Variants in MSH3 observed in about 807,000 individuals in gnomAD.
MSH3 encodes mutS homolog 3.
In MSH3, 106 loss-of-function variants were observed where a neutral mutation model predicts 123.3. That is an observed-to-expected ratio of 0.86 (90% CI 0.73 to 1.01). The LOEUF (loss-of-function observed/expected upper bound fraction) is 1.01, where lower values mean the gene tolerates loss of function less well. MSH3 is among the 50% of genes least tolerant of loss of function. MSH3 has a pLI of 0.00. For missense variants in MSH3, 1,459 were observed against 1,347.6 expected (o/e 1.08, Z -1.29); for synonymous variants, 515 against 481.4 (o/e 1.07, Z -0.91).
intron 19 of MSH3, among the ~76,000 whole-genome samples, chr5:80,809,290 C>T (rs1011452227): frequency 1.3e-5 from 2 of 152,080 alleles, no homozygotes; most frequent in Non-Finnish European, 2.9e-5. Flanking sequence ...AGTCTTCTAA[C>T]TCTAAATGGT....
intron 20 of MSH3, among the ~76,000 whole-genome samples, chr5:80,845,734 C>T (rs10053112): frequency 0.14 from 20,616 of 152,024 alleles, 1,746 homozygotes; most frequent in African/African-American, 0.24. Flanking sequence ...GTTCTCATGC[C>T]GTGGTTTTCA....
intron 8 of MSH3, among the ~76,000 whole-genome samples, chr5:80,686,405 C>T (rs1045383972): frequency 7.9e-5 from 12 of 151,034 alleles, no homozygotes; most frequent in South Asian, 4.3e-4. Flanking sequence ...CGGGTTTAAG[C>T]GATTCTCGTG....
intron 12 of MSH3, among the ~76,000 whole-genome samples, chr5:80,757,242 T>C (rs538353802): frequency 1.1e-4 from 17 of 152,318 alleles, no homozygotes; most frequent in Admixed American, 9.2e-4. Context: ...ATATTCCCAT[T>C]ATACTCTTCT....
In MSH3 at chr5:80,824,343, C is replaced by T. The variant is rs1464818182; in HGVS notation, c.2813+10602C>T. On this transcript the variant is annotated intron_variant, in intron 20 of 23. Transcript: ENST00000265081. ...AGGCGCCCCCCACCTCCCTCCCGGACGGGGCGGCTGGCCGGGTGGGGGCTG... is the reference window on the plus strand; with the variant it reads ...AGGCGCCCCCCACCTCCCTCCCGGATGGGGCGGCTGGCCGGGTGGGGGCTG... Among the ~76,000 whole-genome samples, 11 of 150,392 alleles carry T rather than the reference C, an allele frequency of 7.3e-5. 1 individual carries two copies. Among genetic ancestry groups the T allele is most frequent in the African/African-American group, 1.5e-4 (6 of 41,166 alleles).
intron 8 of MSH3, among the ~76,000 whole-genome samples, chr5:80,692,645 TATATAG>T (rs1186666033): frequency 1.8e-5 from 2 of 108,816 alleles, no homozygotes; most frequent in African/African-American, 7.0e-5. Flanking sequence ...TATATATGTT[TATATAG>T]ATATATATAT....
chr5:80,739,978 T>C (rs192838653), intron 10 of MSH3, among the ~76,000 whole-genome samples: 8 of 152,248 alleles, frequency 5.3e-5, no homozygotes, highest in African/African-American at 1.9e-4. Context: ...GTTAGGTTTA[T>C]AGCACAAACA....
intron 13 of MSH3, among the ~76,000 whole-genome samples, chr5:80,763,545 A>G (rs1469210749): frequency 6.6e-6 from 1 of 152,208 alleles, no homozygotes; most frequent in Non-Finnish European, 1.5e-5. Flanking sequence ...GAGCCTGAAA[A>G]TTGATGCATA....
intron 8 of MSH3, among the ~76,000 whole-genome samples, chr5:80,725,078 A>G (rs1743255267): frequency 6.6e-6 from 1 of 151,856 alleles, no homozygotes; most frequent in Admixed American, 6.6e-5. Context: ...GCTGGGCGTG[A>G]TGGCGGGCAC....
intron 15 of MSH3, among the ~76,000 whole-genome samples, chr5:80,769,492 G>A (rs1253553606): frequency 1.3e-5 from 2 of 151,942 alleles, no homozygotes; most frequent in Non-Finnish European, 2.9e-5. Flanking sequence ...TAAAATTATG[G>A]TACTGTTTAG....
intron 10 of MSH3, among the ~76,000 whole-genome samples, chr5:80,734,133 G>A (rs1374938488): frequency 6.6e-6 from 1 of 152,158 alleles, no homozygotes; most frequent in Non-Finnish European, 1.5e-5. Flanking sequence ...AAGGAATGAA[G>A]TACAGATACA....
chr5:80,760,203 GTTTA>G (rs1203857159), intron 12 of MSH3, among the ~76,000 whole-genome samples: 1 of 152,120 alleles, frequency 6.6e-6, no homozygotes, highest in African/African-American at 2.4e-5. Context: ...TCATCCACTT[GTTTA>G]TTTATTCATT....
chr5:80,784,185 C>T (rs1210596832), intron 17 of MSH3, among the ~76,000 whole-genome samples: 6 of 121,210 alleles, frequency 5.0e-5, no homozygotes, highest in African/African-American at 1.3e-4. Flanking sequence ...ACTCCAGCCT[C>T]GGCGAAAGAG....
intron 19 of MSH3, among the ~76,000 whole-genome samples, chr5:80,808,331 T>C (rs1354683287): frequency 3.3e-5 from 5 of 152,212 alleles, no homozygotes; most frequent in Admixed American, 2.6e-4. Context: ...CTTTTTATTG[T>C]TATGTTTTTC....
At chr5:80,856,453 A>C (rs1369747790) in intron 21 of MSH3, among the ~76,000 whole-genome samples, 1 of 150,822 alleles carries the variant, frequency 6.6e-6, no homozygotes, top group Non-Finnish European at 1.5e-5. Flanking sequence ...TCGCAAGGAC[A>C]AAAAACCAAA....
rs753129920 is a variant in MSH3, at chr5:80,778,743, A to T, written c.2342A>T (p.His781Leu). 4 of 1,611,590 alleles carry T rather than the reference A, an allele frequency of 2.5e-6. No homozygotes were observed. Among genetic ancestry groups the T allele is most frequent in the Non-Finnish European group, 3.4e-6 (4 of 1,177,706 alleles). The change falls in exon 17 of 24, where the codon CAC (histidine) becomes CTC (leucine). Residue 781 changes from histidine (H) to leucine (L), a missense_variant. His to Leu is a moderately conservative substitution (Grantham distance 99). Coordinates refer to ENST00000265081, the MANE Select transcript of MSH3 (RefSeq NM_002439.5). The stretch of plus-strand genomic sequence containing the variant: ...AGCACAAAAGCTGTGAGCCGCTTTC[A>T]CTCTCCTTTTATTGTAGAAAATTAC... ...VGSTKAVSRF[H>L]SPFIVENYRH...
At chr5:80,763,871 A>C (rs1744082359) in intron 13 of MSH3, among the ~76,000 whole-genome samples, 1 of 152,254 alleles carries the variant, frequency 6.6e-6, no homozygotes, top group African/African-American at 2.4e-5. Context: ...GCCGGTATGC[A>C]GTGCAAGAAT....
intron 20 of MSH3, among the ~76,000 whole-genome samples, chr5:80,841,179 GT>G (rs1388366720): frequency 6.6e-6 from 1 of 152,040 alleles, no homozygotes; most frequent in African/African-American, 2.4e-5. Flanking sequence ...CCTTGCAATA[GT>G]TTGTGAGAAT....
intron 2 of MSH3, among the ~76,000 whole-genome samples, chr5:80,658,456 T>A (rs1749348094): frequency 6.6e-6 from 1 of 152,170 alleles, no homozygotes; most frequent in South Asian, 2.1e-4. Context: ...ATGGGGACAG[T>A]TGAGATGGAA....
At chr5:80,677,334 C>T (rs1749864225) in intron 7 of MSH3, among the ~76,000 whole-genome samples, 1 of 152,138 alleles carries the variant, frequency 6.6e-6, no homozygotes, top group Admixed American at 6.5e-5. Flanking sequence ...TTAGGTTTCT[C>T]AGTGTGATAC....
Sources: allele counts gnomAD v4.1 joint callset (sites outside exome capture counted in the v4.1 genomes callset), GRCh38; gene constraint gnomAD v4.1.1; transcripts MANE v1.5; gene names NCBI Gene and HGNC (gene_info 2026-07-23, HGNC 2026-07-21).